Variants in FTSJ3 observed in about 807,000 individuals in gnomAD.
The protein encoded by FTSJ3 is pre-rRNA 2'-O-ribose RNA methyltransferase FTSJ3.
FTSJ3 carries 46 observed loss-of-function variants against 111.5 expected under a neutral mutation model. That is an observed-to-expected ratio of 0.41 (90% confidence interval 0.33 to 0.53). The LOEUF is 0.53. Ranked by LOEUF, FTSJ3 falls within the 20% of genes least tolerant of loss-of-function variation. FTSJ3 has a pLI of 0.19. For synonymous variants in FTSJ3, 408 were observed against 383.0 expected (o/e 1.07, Z -0.76); for missense variants, 1,075 against 1,063.8 (o/e 1.01, Z -0.15).
At chr17:63,826,777 G>C in intron 2 of FTSJ3, 59 bp downstream of exon 2, 1 of 1,584,968 alleles carries the variant, frequency 6.3e-7, no homozygotes, top group South Asian at 1.1e-5. Context: ...GTCGCAAAGA[G>C]CAGGCGAACC....
chr17:63,823,743 T>C, intron 13 of FTSJ3, 74 bp downstream of exon 13: 1 of 1,539,064 alleles, frequency 6.5e-7, no homozygotes, highest in East Asian at 2.3e-5. Context: ...AAAAAGACAT[T>C]CAACACCCCC....
chr17:63,824,350 CTTG>C lies in FTSJ3; in HGVS notation c.976_978del (p.Gln326del). 1 of 1,614,208 alleles carries C rather than the reference CTTG, an allele frequency of 6.2e-7. No individual in the cohort carries two copies. Among genetic ancestry groups the C allele is most frequent in the Non-Finnish European group, 8.5e-7 (1 of 1,180,028 alleles). On this transcript the variant is annotated inframe_deletion, in exon 11 of 21. Transcript: ENST00000427159. The stretch of plus-strand genomic sequence containing the variant: ...CCTCACCTGATGTCCAGTGCCTTTG[CTTG>C]TTCTTTCAGCTTCTTGGCCACATAT...
rs760037787 is a variant in FTSJ3, at chr17:63,825,410, A to T, written c.427T>A (p.Leu143Met). Residue 143 changes from leucine (L) to methionine (M), a missense_variant, in exon 7 of 21, where the codon TTG becomes ATG. Leu to Met is a conservative substitution (Grantham distance 15, BLOSUM62 2). Coordinates refer to ENST00000427159, the MANE Select transcript of FTSJ3 (RefSeq NM_017647.4). ...QAHLTLMALRLACDFLARGGS... is the reference protein window; with the variant it reads ...QAHLTLMALRMACDFLARGGS... ...CCACGGGCCAAAAAGTCACAAGCCA[A>T]ACGTAGAGCCATCAGTGTCAAATGG... 3.7e-6 allele frequency: 6 copies of T among 1,614,092 alleles called. No individual in the cohort carries two copies. Among genetic ancestry groups the T allele is most frequent in the Non-Finnish European group, 5.1e-6 (6 of 1,180,038 alleles).
In FTSJ3 at chr17:63,819,926, A is replaced by G; in HGVS notation, c.2420T>C (p.Val807Ala). 6.2e-7 allele frequency: 1 copy of G among 1,614,150 alleles called. No individual in the cohort carries two copies. Among genetic ancestry groups the G allele is most frequent in the Non-Finnish European group, 8.5e-7 (1 of 1,180,016 alleles). Residue 807 changes from valine (V) to alanine (A), a missense_variant, in exon 21 of 21, where the codon GTG becomes GCG. This residue lies in a region of FTSJ3 where 867 missense variants were observed against 796.9 expected (regional missense o/e 1.09). Transcript: ENST00000427159. ...HVTYVVAKKG[V>A]GRKVRRPAGV... ...AGCTGGCCGGCGCACTTTGCGGCCCACACCTTTTTTGGCTACAACGTAGGT... is the reference window on the plus strand; with the variant it reads ...AGCTGGCCGGCGCACTTTGCGGCCCGCACCTTTTTTGGCTACAACGTAGGT...
At chr17:63,824,581 C>T (rs2040080308) in intron 10 of FTSJ3, 56 bp downstream of exon 10, 2 of 1,486,134 alleles carry the variant, frequency 1.3e-6, no homozygotes, top group Non-Finnish European at 1.9e-6. Flanking sequence ...GGTCCAACAT[C>T]ATGGCCTTTC....
chr17:63,825,816 T>C (rs2040093670), intron 5 of FTSJ3, 181 bp from the exon 6 acceptor site: 4 of 640,606 alleles, frequency 6.2e-6, no homozygotes, highest in African/African-American at 1.8e-5. Flanking sequence ...AGTCTGACAC[T>C]GAATTCACAG....
rs540137612 is a variant in FTSJ3, at chr17:63,826,744, T to G, written c.68-72A>C. The stretch of plus-strand genomic sequence containing the variant: ...CTCCGGCCTCGCAACCGACCACCCC[T>G]TCTGCAGGAGAGGTACATAATGGTC... On this transcript the variant is annotated intron_variant, in intron 2 of 20. Coordinates refer to ENST00000427159, the MANE Select transcript of FTSJ3 (RefSeq NM_017647.4). The G allele has an allele frequency of 1.4e-5, 22 of 1,553,322 alleles. No homozygotes were observed. The South Asian group carries it at 2.1e-4, about 15-fold the overall frequency.
At chr17:63,822,353 A>G (rs192255162) in intron 13 of FTSJ3, among the ~76,000 whole-genome samples, 185 bp from the exon 14 acceptor site, 2 of 152,248 alleles carry the variant, frequency 1.3e-5, no homozygotes, top group African/African-American at 2.4e-5. Flanking sequence ...ATCCCGTTCT[A>G]GGCTGGGTTA....
Position 63,821,361 on chromosome 17 carries a change from C to G in FTSJ3, c.1879G>C (p.Glu627Gln). Residue 627 changes from glutamate to glutamine, a missense_variant, in exon 16 of 21, where the codon GAA (glutamate) becomes CAA (glutamine). This residue lies in a region of FTSJ3 where 867 missense variants were observed against 796.9 expected (regional missense o/e 1.09). Transcript: ENST00000427159. ...TCAGCTGCAACTACTCACCTCTCTT[C>G]TTCCTCACTGCTAGTACTGCTATCA... Reference protein sequence around the residue: ...DSDSSTSSEEEESWEPLRGKK... With the variant: ...DSDSSTSSEEQESWEPLRGKK... 1 of 1,605,328 alleles carries G rather than the reference C, an allele frequency of 6.2e-7. No individual in the cohort carries two copies. Among genetic ancestry groups the G allele is most frequent in the Non-Finnish European group, 8.5e-7 (1 of 1,175,254 alleles).
At chr17:63,825,477 AGGAG>A in intron 6 of FTSJ3, 41 bp from the exon 7 acceptor site, 1 of 1,612,172 alleles carries the variant, frequency 6.2e-7, no homozygotes, top group East Asian at 2.2e-5. Context: ...TCTGCAGCCC[AGGAG>A]GGCATGCGCC....
intron 18 of FTSJ3, 146 bp from the exon 19 acceptor site, chr17:63,820,584 G>GCC: frequency 2.5e-6 from 2 of 804,148 alleles, no homozygotes; most frequent in South Asian, 3.4e-5. Context: ...AGTTTGACCA[G>GCC]CCTGGCCAAC....
rs370714262 is a variant in FTSJ3 at position 63,819,955 on chromosome 17, A to G, written c.2391T>C (p.His797=). ...KKAGLGKEKR[H]VTYVVAKKGV... is the part of the protein sequence containing the mutation. ...CTTTTTTGGCTACAACGTAGGTGACATGGCGTTTCTCCTTGCCAAGCCCAG... is the reference window on the plus strand; with the variant it reads ...CTTTTTTGGCTACAACGTAGGTGACGTGGCGTTTCTCCTTGCCAAGCCCAG... The change falls in exon 21 of 21, where the codon CAT becomes CAC. Residue 797 remains histidine, a synonymous_variant. Coordinates refer to ENST00000427159, the MANE Select transcript of FTSJ3 (RefSeq NM_017647.4). 26 of 1,614,082 alleles carry G rather than the reference A, an allele frequency of 1.6e-5. No individual in the cohort carries two copies. Among genetic ancestry groups the G allele is most frequent in the Middle Eastern group, 1.6e-4 (1 of 6,084 alleles).
chr17:63,820,501 C>T (rs2040039251), intron 18 of FTSJ3, 63 bp from the exon 19 acceptor site: 1 of 1,547,796 alleles, frequency 6.5e-7, no homozygotes, highest in Non-Finnish European at 8.9e-7. Flanking sequence ...AATTACCAGA[C>T]TGGGCACGGT....
intron 5 of FTSJ3, 142 bp from the exon 6 acceptor site, chr17:63,825,777 C>G: frequency 1.4e-6 from 1 of 691,014 alleles, no homozygotes; most frequent in Non-Finnish European, 2.5e-6. Flanking sequence ...TAAACAAAAA[C>G]AGTATGTCTC....
chr17:63,823,674 A>T, intron 13 of FTSJ3, 143 bp downstream of exon 13: 1 of 824,140 alleles, frequency 1.2e-6, no homozygotes, highest in South Asian at 1.6e-5. Context: ...TTGTGGCCTT[A>T]TACTCACCAA....
Position 63,825,395 on chromosome 17 carries a change from A to G in FTSJ3, c.442T>C (p.Leu148=), listed in dbSNP as rs759485751. The change falls in exon 7 of 21, where the codon TTG becomes CTG. Residue 148 remains leucine, a synonymous_variant. Transcript: ENST00000427159. The part of the protein sequence containing the change: ...LMALRLACDF[L]ARGGSFITKV... ...GTGATGAAGCTGCCACCACGGGCCA[A>G]AAAGTCACAAGCCAAACGTAGAGCC... 4 of 1,614,124 alleles carry G rather than the reference A, an allele frequency of 2.5e-6. No individual in the cohort carries two copies. The Admixed American group carries it at 5.0e-5, about 20-fold the overall frequency.
At chr17:63,822,875 T>A (rs1293881705) in intron 13 of FTSJ3, among the ~76,000 whole-genome samples, 1 of 152,282 alleles carries the variant, frequency 6.6e-6, no homozygotes, top group East Asian at 1.9e-4. Flanking sequence ...CACCAAAAAC[T>A]CTAGTAGGTA....
rs754457858 is a variant in FTSJ3 at position 63,819,903 on chromosome 17, C to A, written c.2443G>T (p.Ala815Ser). Reference protein sequence around the residue: ...KGVGRKVRRPAGVRGHFKVVD... With the variant: ...KGVGRKVRRPSGVRGHFKVVD... ...ACCTTGAAATGACCTCTGACTCCAG[C>A]TGGCCGGCGCACTTTGCGGCCCACA... The change falls in exon 21 of 21, where the codon GCT becomes TCT. Residue 815 changes from alanine to serine, a missense_variant. By Grantham distance (99) the Ala-to-Ser change is moderately conservative. Transcript: ENST00000427159. The A allele has an allele frequency of 3.7e-6, 6 of 1,614,106 alleles. No homozygotes were observed. The South Asian group carries it at 6.6e-5, about 18-fold the overall frequency.
chr17:63,825,163 C>A lies in FTSJ3; in HGVS notation c.596G>T (p.Gly199Val), dbSNP rs1294632098. Residue 199 changes from glycine to valine, a missense_variant and splice_region_variant, in exon 8 of 21, where the codon GGA (glycine) becomes GTA (valine). Around this residue, in one of 2 missense-constraint regions of FTSJ3, gnomAD observed 208 missense variants for 266.9 expected, o/e 0.78. Coordinates refer to ENST00000427159, the MANE Select transcript of FTSJ3 (RefSeq NM_017647.4). The part of the protein sequence containing the change: ...ESAEIFVVCQ[G>V]FLAPDKVDSK... Reference sequence around the variant, plus strand: ...GTCAACCTTGTCAGGGGCCAGGAATCCTAAAAATGACAGGATATATTAAAA... The same window carrying A: ...GTCAACCTTGTCAGGGGCCAGGAATACTAAAAATGACAGGATATATTAAAA... The A allele has an allele frequency of 6.2e-7, 1 of 1,614,066 alleles. No individual in the cohort carries two copies. Among genetic ancestry groups the A allele is most frequent in the Non-Finnish European group, 8.5e-7 (1 of 1,179,970 alleles).
Sources: gnomAD v4.1 joint callset for allele counts (sites outside exome capture counted in the v4.1 genomes callset) on GRCh38, gnomAD v4.1.1 for gene constraint, gnomAD v4.1.1 regional missense constraint, MANE v1.5 for transcripts, NCBI Gene and HGNC (gene_info 2026-07-23, HGNC 2026-07-21) for gene names.